Variants in WWP1 observed in about 807,000 individuals in gnomAD.
The protein encoded by WWP1 is NEDD4-like E3 ubiquitin-protein ligase WWP1.
Under a neutral mutation model 130.6 loss-of-function variants are expected in WWP1, and 49 were observed. That is an observed-to-expected ratio of 0.38 (90% CI 0.30 to 0.48). The LOEUF is 0.48. WWP1 is among the 20% of genes least tolerant of loss of function. The probability of loss-of-function intolerance (pLI) is 0.99; values close to 1 mark genes in which losing one functional copy is unlikely to be tolerated. For missense variants in WWP1, 809 were observed against 1,100.6 expected (o/e 0.74, Z 3.75); for synonymous variants, 332 against 367.8 (o/e 0.90, Z 1.11).
chr8:86,354,821 G>A (rs1052452921), intron 1 of WWP1, among the ~76,000 whole-genome samples: 1 of 152,136 alleles, frequency 6.6e-6, no homozygotes, highest in Admixed American at 6.6e-5. Context: ...GTAGTTGAGA[G>A]TGTGGTTAGA....
At chr8:86,401,954 A>G in intron 7 of WWP1, 65 bp from the exon 8 acceptor site, 1 of 1,369,676 alleles carries the variant, frequency 7.3e-7, no homozygotes. Flanking sequence ...AAATCCTATG[A>G]AAATTCTCAT....
chr8:86,463,687 T>C (rs1406129280), intron 24 of WWP1, among the ~76,000 whole-genome samples: 1 of 152,146 alleles, frequency 6.6e-6, no homozygotes, highest in Non-Finnish European at 1.5e-5. Context: ...CCTTATAATT[T>C]GATGAGCCAT....
In WWP1 at chr8:86,467,761, G is replaced by A. The variant is rs1476840471; in HGVS notation, c.*868G>A. ...ATTTCATACTTAGGAACATACAAAAGGTAATGTAAACTCTGCCACTTTTTT... is the reference window on the plus strand; with the variant it reads ...ATTTCATACTTAGGAACATACAAAAAGTAATGTAAACTCTGCCACTTTTTT... On this transcript the variant is annotated 3_prime_UTR_variant, in exon 25 of 25. Coordinates refer to ENST00000517970, the MANE Select transcript of WWP1 (RefSeq NM_007013.4). 1 of 152,062 alleles carries A rather than the reference G, an allele frequency of 6.6e-6. No homozygotes were observed. The highest frequency in any genetic ancestry group is 1.5e-5 in the Non-Finnish European group (1 of 68,000). 9.4% of individuals were successfully genotyped at this position (152,062 alleles called of 1,614,324 possible).
chr8:86,387,428 A>G (rs1048241066), intron 5 of WWP1, among the ~76,000 whole-genome samples: 62 of 152,098 alleles, frequency 4.1e-4, no homozygotes, highest in African/African-American at 1.4e-3. Context: ...AATCTTTTAA[A>G]ATATATTCTT....
intron 9 of WWP1, among the ~76,000 whole-genome samples, chr8:86,420,211 A>G (rs1449901684): frequency 6.6e-6 from 1 of 152,178 alleles, no homozygotes; most frequent in African/African-American, 2.4e-5. Context: ...CTCAGACAGC[A>G]CTCACTCTAG....
intron 1 of WWP1, among the ~76,000 whole-genome samples, chr8:86,355,049 T>G (rs1017493540): frequency 9.2e-5 from 14 of 152,296 alleles, no homozygotes; most frequent in Admixed American, 7.8e-4. Context: ...GAGTTGAAGT[T>G]TGCATGTAGG....
At chr8:86,404,998 TCTAA>T (rs1367649681) in intron 8 of WWP1, 1 of 152,212 alleles carries the variant, frequency 6.6e-6, no homozygotes, top group African/African-American at 2.4e-5. Flanking sequence ...GACAAAACAA[TCTAA>T]CTGTCATCAT....
Position 86,361,991 on chromosome 8 carries a change from T to C in WWP1, c.-114-6948T>C, listed in dbSNP as rs190902037. On this transcript the variant is annotated intron_variant, in intron 1 of 24. Transcript: ENST00000517970. ...GTGTGTGTGTATATATATATATATA[T>C]ACATATATATACACACATATATATA... Among the ~76,000 whole-genome samples, 858 of 128,184 alleles carry C rather than the reference T, an allele frequency of 6.7e-3. 7 individuals carry two copies. The highest frequency in any genetic ancestry group is 0.016 in the African/African-American group (589 of 36,588). 84.1% of individuals were successfully genotyped at this position (128,184 alleles called of 152,430 possible). A position where few individuals can be genotyped will look rare whatever the true frequency, so the allele number is the denominator to read the frequency against.
intron 11 of WWP1, 51 bp downstream of exon 11, chr8:86,427,868 C>T (rs1253527168): frequency 1.3e-5 from 20 of 1,488,516 alleles, no homozygotes; most frequent in South Asian, 6.9e-5. Flanking sequence ...TCAGGTGTTT[C>T]TTTCTTTTTT....
intron 2 of WWP1, among the ~76,000 whole-genome samples, chr8:86,371,423 CA>C (rs1586283352): frequency 6.6e-6 from 1 of 152,162 alleles, no homozygotes; most frequent in East Asian, 1.9e-4. Context: ...AATTATTTTC[CA>C]ACAGGATTTT....
intron 18 of WWP1, 77 bp from the exon 19 acceptor site, chr8:86,448,071 A>T (rs943945417): frequency 5.4e-6 from 7 of 1,292,322 alleles, no homozygotes; most frequent in South Asian, 1.5e-5. Flanking sequence ...AAGTCTCATG[A>T]TTTTTCTTTT....
Position 86,431,416 on chromosome 8 carries a change from G to A in WWP1, c.1398G>A (p.Val466=), listed in dbSNP as rs764491710. ...CACTTTATATTTCAGAAAAAAGAGT[G>A]GATTCAACAGACAGGGTTTACTTTG... ...GPLPPGWEKR[V]DSTDRVYFVN... The change falls in exon 13 of 25, where the codon GTG becomes GTA. Residue 466 remains valine (V), a synonymous_variant. Transcript: ENST00000517970. 3 of 1,595,760 alleles carry A rather than the reference G, an allele frequency of 1.9e-6. No homozygotes were observed. Among genetic ancestry groups the A allele is most frequent in the Non-Finnish European group, 2.6e-6 (3 of 1,170,376 alleles).
At chr8:86,416,187 G>C (rs114673004) in intron 9 of WWP1, among the ~76,000 whole-genome samples, 24 of 152,358 alleles carry the variant, frequency 1.6e-4, no homozygotes, top group African/African-American at 5.8e-4. Context: ...ATTGCTGTGA[G>C]TTGGGAGTGA....
chr8:86,380,969 T>A (rs1447735163), intron 4 of WWP1, 105 bp downstream of exon 4: 4 of 1,324,248 alleles, frequency 3.0e-6, no homozygotes, highest in African/African-American at 1.5e-5. Flanking sequence ...GTGATTTTTT[T>A]AAAGTGTGGA....
At chr8:86,414,376 G>A (rs905761065) in intron 9 of WWP1, among the ~76,000 whole-genome samples, 3 of 152,032 alleles carry the variant, frequency 2.0e-5, no homozygotes, top group East Asian at 1.9e-4. Context: ...CTAATCCAGG[G>A]GAGAAATTAA....
chr8:86,384,888 C>T (rs1472429738), intron 5 of WWP1, among the ~76,000 whole-genome samples: 1 of 151,828 alleles, frequency 6.6e-6, no homozygotes, highest in African/African-American at 2.4e-5. Flanking sequence ...AAAAATTAGC[C>T]AGGCATGTGC....
In WWP1 at chr8:86,417,576, C is replaced by T. The variant is rs147130289; in HGVS notation, c.1061+5702C>T. ...TCAGTGACTAGCATTGTGCTTGGAA[C>T]GTAAGTGCTTACTGAATATTTGTTA... On this transcript the variant is annotated intron_variant, in intron 9 of 24. Coordinates refer to ENST00000517970, the MANE Select transcript of WWP1 (RefSeq NM_007013.4). Among the ~76,000 whole-genome samples the T allele has an allele frequency of 1.2e-4, 18 of 152,224 alleles. No individual in the cohort carries two copies. In the East Asian group the frequency reaches 3.1e-3, roughly 26 times the overall value.
intron 2 of WWP1, among the ~76,000 whole-genome samples, chr8:86,370,538 G>A (rs568762377): frequency 2.0e-5 from 3 of 152,090 alleles, no homozygotes; most frequent in African/African-American, 7.2e-5. Flanking sequence ...GTAATTGTTC[G>A]TTGGACAAAC....
At chr8:86,456,825 A>C (rs1290032876) in intron 21 of WWP1, among the ~76,000 whole-genome samples, 1 of 151,976 alleles carries the variant, frequency 6.6e-6, no homozygotes, top group African/African-American at 2.4e-5. Flanking sequence ...AAACATGTTG[A>C]GTGGGAAAAA....
Sources: gnomAD v4.1 joint callset for allele counts (sites outside exome capture counted in the v4.1 genomes callset) on GRCh38, gnomAD v4.1.1 for gene constraint, MANE v1.5 for transcripts, NCBI Gene and HGNC (gene_info 2026-07-23, HGNC 2026-07-21) for gene names.